AKAP19: variants seen among roughly 807,000 people sequenced by gnomAD.
AKAP19 encodes the protein A-kinase anchoring protein 19.
chr2:190,094,149 G>A, the AKAP19 span, among the ~76,000 whole-genome samples: 2 of 152,242 alleles, frequency 1.3e-5, no homozygotes, highest in East Asian at 3.8e-4. Context: ...TAGGAGTCTT[G>A]TGGCTGGAAA....
chr2:190,078,481 T>C, the AKAP19 span, among the ~76,000 whole-genome samples: 1 of 152,128 alleles, frequency 6.6e-6, no homozygotes, highest in Non-Finnish European at 1.5e-5. Flanking sequence ...TCTTCTTACC[T>C]TTAGCCCAGA....
chr2:190,191,598 A>G, the AKAP19 span, among the ~76,000 whole-genome samples: 1 of 152,150 alleles, frequency 6.6e-6, no homozygotes, highest in Non-Finnish European at 1.5e-5. Flanking sequence ...CCCACCAGCA[A>G]TGTATGAGAG....
the AKAP19 span, among the ~76,000 whole-genome samples, chr2:190,055,272 T>C: frequency 1.5e-5 from 2 of 130,980 alleles, no homozygotes; most frequent in Non-Finnish European, 3.1e-5. Flanking sequence ...AGGTGGGAAT[T>C]GAACAATGAG....
chr2:190,116,443 T>A, the AKAP19 span, among the ~76,000 whole-genome samples: 2 of 152,168 alleles, frequency 1.3e-5, no homozygotes, highest in Non-Finnish European at 2.9e-5. Flanking sequence ...TAAACCTAAA[T>A]GCTTCCCACT....
chr2:189,969,869 C>CTT, the AKAP19 span, among the ~76,000 whole-genome samples: 1,009 of 109,928 alleles, frequency 9.2e-3, 54 homozygotes, highest in East Asian at 0.11. Context: ...TCTTCTTCTT[C>CTT]TTTTTTTTTT....
At chr2:190,201,033 G>C in the AKAP19 span, 4 of 163,332 alleles carry the variant, frequency 2.4e-5, no homozygotes, top group African/African-American at 1.0e-4. Flanking sequence ...TGACTAGTAA[G>C]GCGGTCACCA....
At chr2:190,035,383 A>T in the AKAP19 span, among the ~76,000 whole-genome samples, 3 of 151,956 alleles carry the variant, frequency 2.0e-5, no homozygotes, top group Non-Finnish European at 4.4e-5. Context: ...GTGAGCCAAG[A>T]TCGTGCCACT....
the AKAP19 span, among the ~76,000 whole-genome samples, chr2:189,895,678 T>A: frequency 2.5e-4 from 38 of 152,192 alleles, no homozygotes; most frequent in East Asian, 6.4e-3. Context: ...GGACCAAATA[T>A]TGAGGGGACT....
At chr2:190,172,135 C>T in the AKAP19 span, among the ~76,000 whole-genome samples, 63,403 of 151,998 alleles carry the variant, frequency 0.42, 15,473 homozygotes, top group East Asian at 0.81. Context: ...CTCATTGCCA[C>T]GCCTGTTCTT....
chr2:190,131,939 AC>A, the AKAP19 span, among the ~76,000 whole-genome samples: 1 of 152,142 alleles, frequency 6.6e-6, no homozygotes, highest in East Asian at 1.9e-4. Flanking sequence ...TAAAGACTCC[AC>A]CAAAAAAAAA....
At chr2:189,948,512 T>C in the AKAP19 span, among the ~76,000 whole-genome samples, 1 of 152,208 alleles carries the variant, frequency 6.6e-6, no homozygotes, top group Non-Finnish European at 1.5e-5. Context: ...CATTACCCAC[T>C]GTGAACATTT....
the AKAP19 span, among the ~76,000 whole-genome samples, chr2:190,029,817 C>T: frequency 6.6e-6 from 1 of 152,112 alleles, no homozygotes; most frequent in Non-Finnish European, 1.5e-5. Context: ...TTTATAAACA[C>T]ACACGTACAC....
chr2:190,136,443 A>G, the AKAP19 span, among the ~76,000 whole-genome samples: 1 of 152,188 alleles, frequency 6.6e-6, no homozygotes, highest in Non-Finnish European at 1.5e-5. Flanking sequence ...AGCAAACACA[A>G]TCTGCAGGTA....
chr2:189,895,184 A>T, the AKAP19 span, among the ~76,000 whole-genome samples: 21 of 152,142 alleles, frequency 1.4e-4, no homozygotes, highest in Admixed American at 2.6e-4. Context: ...GTGGAAGAAA[A>T]CAGTCTGATT....
chr2:190,015,977 A>T, the AKAP19 span, among the ~76,000 whole-genome samples: 1 of 152,218 alleles, frequency 6.6e-6, no homozygotes, highest in Non-Finnish European at 1.5e-5. Flanking sequence ...AGACCACCTT[A>T]GCCTGGACTT....
the AKAP19 span, among the ~76,000 whole-genome samples, chr2:189,943,950 C>T: frequency 6.6e-6 from 1 of 152,318 alleles, no homozygotes; most frequent in African/African-American, 2.4e-5. Flanking sequence ...AAGTAACTAA[C>T]TTGTTTTTAA....
At chr2:190,064,627 A>G in the AKAP19 span, among the ~76,000 whole-genome samples, 2 of 152,304 alleles carry the variant, frequency 1.3e-5, no homozygotes, top group South Asian at 4.1e-4. Flanking sequence ...CCTGTCATAT[A>G]GTAAGTAATT....
the AKAP19 span, among the ~76,000 whole-genome samples, chr2:189,939,578 C>T: frequency 3.7e-4 from 56 of 152,242 alleles, no homozygotes; most frequent in African/African-American, 1.3e-3. Context: ...GGCAAGGAAC[C>T]AGTGACTGAC....
At chr2:190,032,768 CA>C in the AKAP19 span, among the ~76,000 whole-genome samples, 1 of 151,470 alleles carries the variant, frequency 6.6e-6, no homozygotes, top group African/African-American at 2.4e-5. Flanking sequence ...TTTGAATAAT[CA>C]AATTAGATAA....
Sources: gnomAD v4.1 joint callset for allele counts (sites outside exome capture counted in the v4.1 genomes callset) on GRCh38, gnomAD v4.1.1 for gene constraint, MANE v1.5 for transcripts, NCBI Gene and HGNC (gene_info 2026-07-23, HGNC 2026-07-21) for gene names.